The following NUP188 variants were observed in gnomAD, a reference collection of about 807,000 sequenced individuals.
The protein encoded by NUP188 is nucleoporin 188, also known as nucleoporin NUP188.
A neutral mutation model predicts 223.0 loss-of-function variants in NUP188; 97 were observed. That is an observed-to-expected ratio of 0.43 (90% CI 0.37 to 0.51). The LOEUF (loss-of-function observed/expected upper bound fraction) is 0.51. Among genes scored for constraint, NUP188 ranks in the 20% least tolerant of loss-of-function variants. The probability of loss-of-function intolerance (pLI) is 0.00; values close to 1 mark genes in which losing one functional copy is unlikely to be tolerated. For missense variants in NUP188, 1,947 were observed against 2,175.6 expected (o/e 0.89, Z 2.09); for synonymous variants, 869 against 828.0 (o/e 1.05, Z -0.85).
At chr9:128,968,002 CT>C (rs971378345) in intron 8 of NUP188, among the ~76,000 whole-genome samples, 1 of 152,108 alleles carries the variant, frequency 6.6e-6, no homozygotes, top group Non-Finnish European at 1.5e-5. Context: ...TGGCTTACGC[CT>C]TTAATCCCAG....
chr9:128,977,279 C>T (rs1215870727), intron 12 of NUP188, among the ~76,000 whole-genome samples: 2 of 151,836 alleles, frequency 1.3e-5, no homozygotes, highest in Non-Finnish European at 2.9e-5. Flanking sequence ...GCCGCCATAC[C>T]CAGCTAATTT....
At position 128,988,887 on chromosome 9, in the gene NUP188, G is replaced by A. The variant is rs538211708; in HGVS notation, c.2533+701G>A. Among the ~76,000 whole-genome samples the A allele has an allele frequency of 2.4e-3, 368 of 151,394 alleles. 1 individual carries two copies. The highest frequency in any genetic ancestry group is 8.7e-3 in the African/African-American group (358 of 41,310). ...GATTACAGGCATCTGTCCCACGCCC[G>A]GCTAATTTTTGTTTTGTTTTGTTTT... On this transcript the variant is annotated intron_variant, in intron 24 of 43. Transcript: ENST00000372577.
chr9:128,991,851 TTGAG>T (rs1425632996), intron 25 of NUP188, among the ~76,000 whole-genome samples: 1 of 151,414 alleles, frequency 6.6e-6, no homozygotes, highest in African/African-American at 2.4e-5. Context: ...AAAAAAGTAT[TTGAG>T]TGTGTACTTT....
chr9:128,980,859 C>A, intron 14 of NUP188, 134 bp downstream of exon 14: 1 of 812,898 alleles, frequency 1.2e-6, no homozygotes, highest in Non-Finnish European at 1.9e-6. Flanking sequence ...TGAAAGATAC[C>A]AAAGATAGCA....
At chr9:128,996,004 C>T (rs1317695132) in intron 30 of NUP188, among the ~76,000 whole-genome samples, 3 of 152,194 alleles carry the variant, frequency 2.0e-5, no homozygotes, top group Non-Finnish European at 1.5e-5. Context: ...TGTCTCTGTA[C>T]TCTGTCTACT....
chr9:128,973,482 G>T (rs970951567), intron 12 of NUP188, among the ~76,000 whole-genome samples: 1 of 151,436 alleles, frequency 6.6e-6, no homozygotes, highest in Admixed American at 6.6e-5. Context: ...TCCTGGGTTC[G>T]AGCGATTCTC....
intron 38 of NUP188, chr9:129,004,536 GCT>G (rs1357715643): frequency 1.3e-5 from 2 of 152,098 alleles, no homozygotes; most frequent in African/African-American, 4.8e-5. Context: ...ACAGAGTTTT[GCT>G]CTGTCGCCCA....
intron 5 of NUP188, 64 bp from the exon 6 acceptor site, chr9:128,957,946 C>T: frequency 1.6e-6 from 2 of 1,227,854 alleles, no homozygotes; most frequent in South Asian, 1.3e-5. Context: ...AGGTATCTAT[C>T]TTTTTTTATT....
At chr9:128,950,418 A>G (rs2131134391) in intron 2 of NUP188, among the ~76,000 whole-genome samples, 2 of 148,404 alleles carry the variant, frequency 1.3e-5, no homozygotes, top group Admixed American at 6.7e-5. Context: ...ATGGGGTTTC[A>G]CCATGTTGGC....
rs1470168586 is a variant in NUP188 at position 128,983,349 on chromosome 9, T to C, written c.1853T>C (p.Leu618Ser). The change falls in exon 18 of 44, where the codon TTA becomes TCA. Residue 618 changes from leucine (L) to serine (S), a missense_variant. Around this residue, in one of 3 missense-constraint regions of NUP188, gnomAD observed 817 missense variants for 865.8 expected, o/e 0.94. Transcript: ENST00000372577. ...GTCATTGCTTCTTGTGTCAACTGCT[T>C]AACTGTTTTGGCTGCCCGCAATCCA... ...VDVIASCVNC[L>S]TVLAARNPAK... 1 of 1,614,200 alleles carries C rather than the reference T, an allele frequency of 6.2e-7. No individual in the cohort carries two copies. Among genetic ancestry groups the C allele is most frequent in the Admixed American group, 1.7e-5 (1 of 60,018 alleles).
In NUP188 at chr9:128,987,576, C is replaced by A; in HGVS notation, c.2265-13C>A. ...GTGGCTCCCTGGTAACTCAGAATAC[C>A]TCTGTCTTCCAGTCATACTCCCAGC... is the stretch of plus-strand genomic sequence containing the variant. On this transcript the variant is annotated splice_polypyrimidine_tract_variant and intron_variant, in intron 22 of 43. Transcript: ENST00000372577. 6.2e-7 allele frequency: 1 copy of A among 1,607,444 alleles called. No homozygotes were observed. The highest frequency in any genetic ancestry group is 8.5e-7 in the Non-Finnish European group (1 of 1,176,944).
At chr9:128,965,179 T>C (rs1049003093) in intron 8 of NUP188, among the ~76,000 whole-genome samples, 1 of 152,124 alleles carries the variant, frequency 6.6e-6, no homozygotes, top group Non-Finnish European at 1.5e-5. Flanking sequence ...TTTTTTTATC[T>C]CTTTTTAAAA....
chr9:128,995,425 G>C lies in NUP188; in HGVS notation c.3262G>C (p.Glu1088Gln). 1 of 1,613,866 alleles carries C rather than the reference G, an allele frequency of 6.2e-7. No individual in the cohort carries two copies. Among genetic ancestry groups the C allele is most frequent in the Non-Finnish European group, 8.5e-7 (1 of 1,179,920 alleles). ...CAAGTCATTGGCAGTTCACGTGGCC[G>C]AAACAGAAGGCAGCAGCTGCACCTC... The part of the protein sequence containing the change: ...YVKSLAVHVA[E>Q]TEGSSCTSLL... Residue 1088 changes from glutamate to glutamine, a missense_variant, in exon 30 of 44, where the codon GAA becomes CAA. Coordinates refer to ENST00000372577, the MANE Select transcript of NUP188 (RefSeq NM_015354.3).
chr9:128,992,361 T>A (rs1010707394), intron 25 of NUP188, among the ~76,000 whole-genome samples: 1 of 152,024 alleles, frequency 6.6e-6, no homozygotes, highest in African/African-American at 2.4e-5. Context: ...CCCAGCTGAT[T>A]TTTTTGTATT....
At chr9:128,971,637 C>A (rs17507999) in intron 11 of NUP188, among the ~76,000 whole-genome samples, 6,256 of 152,180 alleles carry the variant, frequency 0.041, 436 homozygotes, top group African/African-American at 0.14. Flanking sequence ...CCAAGCTAGT[C>A]TTGAACTCCT....
chr9:128,999,697 C>T lies in NUP188; in HGVS notation c.3735C>T (p.Leu1245=). ...CETLQEEVIA[L]FDQTRHSLAL... ...CCCTCCAAGAGGAAGTGATTGCACT[C>T]TTCGACCAGACCCGCCACAGTCTGG... Residue 1245 remains leucine (L), a synonymous_variant, in exon 34 of 44, where the codon CTC becomes CTT. Coordinates refer to ENST00000372577, the MANE Select transcript of NUP188 (RefSeq NM_015354.3). 1 of 1,614,094 alleles carries T rather than the reference C, an allele frequency of 6.2e-7. No homozygotes were observed. Among genetic ancestry groups the T allele is most frequent in the Non-Finnish European group, 8.5e-7 (1 of 1,180,024 alleles).
chr9:128,957,914 A>G (rs568176496), intron 5 of NUP188, 96 bp from the exon 6 acceptor site: 18 of 918,878 alleles, frequency 2.0e-5, no homozygotes, highest in Middle Eastern at 2.6e-4. Flanking sequence ...ATGTGCAATT[A>G]TAATCTTGAA....
intron 1 of NUP188, 132 bp downstream of exon 1, chr9:128,947,883 G>C: frequency 1.2e-6 from 1 of 831,830 alleles, no homozygotes; most frequent in Non-Finnish European, 1.6e-6. Context: ...GACGGGCACC[G>C]AGACGGGAGG....
At chr9:128,988,766 G>A (rs908058996) in intron 24 of NUP188, among the ~76,000 whole-genome samples, 1 of 105,972 alleles carries the variant, frequency 9.4e-6, no homozygotes, top group Non-Finnish European at 1.7e-5. Flanking sequence ...TAGCTCTGTT[G>A]CCCAGGCTGG....
Sources: allele counts gnomAD v4.1 joint callset (sites outside exome capture counted in the v4.1 genomes callset), GRCh38; gene constraint gnomAD v4.1.1; regional missense constraint gnomAD v4.1.1; transcripts MANE v1.5; gene names NCBI Gene and HGNC (gene_info 2026-07-23, HGNC 2026-07-21).